Variants in PCDHGA12 observed in about 807,000 individuals in gnomAD.
PCDHGA12 encodes the protein protocadherin gamma-A12.
PCDHGA12 carries 43 observed loss-of-function variants against 61.1 expected under a neutral mutation model. The ratio of observed to expected loss-of-function variants is 0.70; its 90% CI spans 0.55 to 0.91. The LOEUF (loss-of-function observed/expected upper bound fraction) is 0.91. PCDHGA12 is among the 40% of genes least tolerant of loss of function. The probability of loss-of-function intolerance (pLI) is 0.00; values close to 1 mark genes in which losing one functional copy is unlikely to be tolerated. For missense variants in PCDHGA12, 1,236 were observed against 1,227.7 expected, an observed-to-expected ratio of 1.01 and a Z score of -0.10; for synonymous variants, 520 against 542.9, an observed-to-expected ratio of 0.96 and a Z score of 0.59.
chr5:141,492,461 G>T (rs1218833302), intron 1 of PCDHGA12, among the ~76,000 whole-genome samples: 1 of 152,212 alleles, frequency 6.6e-6, no homozygotes, highest in Non-Finnish European at 1.5e-5. Flanking sequence ...CGCGCCTGAG[G>T]GTCCCAGATC....
chr5:141,506,372 C>A (rs1243713695), intron 3 of PCDHGA12, among the ~76,000 whole-genome samples: 1 of 151,402 alleles, frequency 6.6e-6, no homozygotes, highest in Non-Finnish European at 1.5e-5. Context: ...TCGCTTGAAC[C>A]TGGGAGGTGG....
intron 2 of PCDHGA12, among the ~76,000 whole-genome samples, chr5:141,498,994 AAGGAAGGAAGG>A (rs2099788184): frequency 2.0e-5 from 3 of 148,560 alleles, no homozygotes; most frequent in Non-Finnish European, 4.5e-5. Flanking sequence ...GGAAGGAAGG[AAGGAAGGAAGG>A]AAGGAAGGAA....
chr5:141,501,381 T>A (rs1261533671), intron 2 of PCDHGA12, among the ~76,000 whole-genome samples: 4 of 151,750 alleles, frequency 2.6e-5, no homozygotes, highest in African/African-American at 9.7e-5. Flanking sequence ...TCTTAAATCC[T>A]AGGTCCTGTC....
At chr5:141,453,430 C>A (rs1043851647) in intron 1 of PCDHGA12, among the ~76,000 whole-genome samples, 1 of 152,018 alleles carries the variant, frequency 6.6e-6, no homozygotes, top group Non-Finnish European at 1.5e-5. Flanking sequence ...CCACACCTAG[C>A]CTAGTATTCT....
chr5:141,480,390 T>C (rs753766736), intron 1 of PCDHGA12, among the ~76,000 whole-genome samples: 14 of 151,350 alleles, frequency 9.3e-5, no homozygotes, highest in Non-Finnish European at 1.9e-4. Flanking sequence ...ACTTCAACCA[T>C]GGCAATAGAG....
At chr5:141,461,273 C>A (rs1301916233) in intron 1 of PCDHGA12, among the ~76,000 whole-genome samples, 1 of 152,128 alleles carries the variant, frequency 6.6e-6, no homozygotes, top group Admixed American at 6.6e-5. Flanking sequence ...TAAGTGTTCT[C>A]TTTTCCCCAC....
intron 1 of PCDHGA12, chr5:141,478,479 C>T (rs750055106): frequency 1.9e-6 from 3 of 1,613,550 alleles, no homozygotes; most frequent in Admixed American, 1.7e-5. Context: ...CGCCAGAACA[C>T]GCTGCGGAGC....
rs1379875429 is a variant in PCDHGA12 at position 141,491,125 on chromosome 5, C to T, written c.2425-3682C>T. 3.1e-6 allele frequency: 5 copies of T among 1,614,020 alleles called. No homozygotes were observed. The highest frequency in any genetic ancestry group is 4.2e-6 in the Non-Finnish European group (5 of 1,179,992). ...CGTGTCTACACACACTGGTGAGGTG[C>T]GCACAGCCCGGGCCTTACTGGAGGA... On this transcript the variant is annotated intron_variant, in intron 1 of 3. Coordinates refer to ENST00000252085, the MANE Select transcript of PCDHGA12 (RefSeq NM_003735.3). The surrounding 1 kb of genome is among the most constrained non-coding windows in gnomAD (Gnocchi z 6.9).
rs990493129 is a variant in PCDHGA12 at position 141,449,560 on chromosome 5, G to C, written c.2424+16377G>C. On this transcript the variant is annotated intron_variant, in intron 1 of 3. Coordinates refer to ENST00000252085, the MANE Select transcript of PCDHGA12 (RefSeq NM_003735.3). ...GCCGAGATCGCACCACTGCACTCCA[G>C]CCTGGGCGACAGAGCAAGACTCTGT... Among the ~76,000 whole-genome samples, 4 of 145,056 alleles carry C rather than the reference G, an allele frequency of 2.8e-5. No homozygotes were observed. The Admixed American group carries it at 2.8e-4, about 10-fold the overall frequency.
At chr5:141,497,540 C>T (rs866982821) in intron 2 of PCDHGA12, among the ~76,000 whole-genome samples, 5 of 134,944 alleles carry the variant, frequency 3.7e-5, no homozygotes, top group African/African-American at 1.1e-4. Context: ...TGCAACAAAC[C>T]TTTTTTTTTT....
chr5:141,485,105 G>A lies in PCDHGA12; in HGVS notation c.2425-9702G>A. On this transcript the variant is annotated intron_variant, in intron 1 of 3. Transcript: ENST00000252085. The surrounding 1 kb of genome is among the most constrained non-coding windows in gnomAD (Gnocchi z 5.7). ...AGGGAGATAGGTGTCTCCAGCTGCT[G>A]TGGCTGTTTGGGGCGGGTCGGCTTC... 8.3e-7 allele frequency: 1 copy of A among 1,205,940 alleles called. No individual in the cohort carries two copies. Among genetic ancestry groups the A allele is most frequent in the Non-Finnish European group, 1.2e-6 (1 of 827,784 alleles). The allele number at this position is 1,205,940 out of a possible 1,614,324, so 74.7% of individuals were successfully genotyped here.
At position 141,431,052 on chromosome 5, in the gene PCDHGA12, G is replaced by A. The variant is rs148326556; in HGVS notation, c.293G>A (p.Gly98Glu). The change falls in exon 1 of 4, where the codon GGG becomes GAG. Residue 98 changes from glycine (G) to glutamate (E), a missense_variant. By Grantham distance (98) the Gly-to-Glu change is moderately conservative. Transcript: ENST00000252085. The surrounding 1 kb of genome is among the most constrained non-coding windows in gnomAD (Gnocchi z 4.8). Reference sequence around the variant, plus strand: ...ATAGACCGGGAGGAGCTCTGTATGGGGGCCATCAAGTGTCAATTAAATCTA... The same window carrying A: ...ATAGACCGGGAGGAGCTCTGTATGGAGGCCATCAAGTGTCAATTAAATCTA... Reference protein sequence around the residue: ...GRIDREELCMGAIKCQLNLDI... With the variant: ...GRIDREELCMEAIKCQLNLDI... 2 of 1,614,228 alleles carry A rather than the reference G, an allele frequency of 1.2e-6. No individual in the cohort carries two copies. The highest frequency in any genetic ancestry group is 1.7e-6 in the Non-Finnish European group (2 of 1,180,044).
chr5:141,436,140 A>G (rs1324666699), intron 1 of PCDHGA12, among the ~76,000 whole-genome samples: 2 of 152,224 alleles, frequency 1.3e-5, no homozygotes, highest in Non-Finnish European at 2.9e-5. Flanking sequence ...TCTTGTATGA[A>G]CTACCAAAAT....
chr5:141,505,803 C>A (rs920849273), intron 3 of PCDHGA12, among the ~76,000 whole-genome samples: 2 of 152,234 alleles, frequency 1.3e-5, no homozygotes, highest in African/African-American at 4.8e-5. Flanking sequence ...GGACTTGGAT[C>A]GACTTGCTCA....
chr5:141,468,330 C>CAAAAAAAAAAA (rs533390277), intron 1 of PCDHGA12: 4 of 79,798 alleles, frequency 5.0e-5, no homozygotes, highest in Non-Finnish European at 1.1e-4. Flanking sequence ...AACTCCATCT[C>CAAAAAAAAAAA]AAAAAAAAAA....
chr5:141,505,026 G>T (rs190826538), intron 2 of PCDHGA12, among the ~76,000 whole-genome samples: 1 of 152,198 alleles, frequency 6.6e-6, no homozygotes, highest in South Asian at 2.1e-4. Context: ...GCCTGGCACA[G>T]TGGCAGGTGC....
intron 1 of PCDHGA12, among the ~76,000 whole-genome samples, chr5:141,470,385 T>C (rs1278833959): frequency 1.3e-5 from 2 of 152,206 alleles, no homozygotes; most frequent in Non-Finnish European, 2.9e-5. Flanking sequence ...GACTACTCGA[T>C]GATATTTAGG....
rs1253223100 is a variant in PCDHGA12 at position 141,493,049 on chromosome 5, T to C, written c.2425-1758T>C. Among the ~76,000 whole-genome samples the C allele has an allele frequency of 6.6e-6, 1 of 152,188 alleles. No homozygotes were observed. Among genetic ancestry groups the C allele is most frequent in the Non-Finnish European group, 1.5e-5 (1 of 68,032 alleles). Reference sequence around the variant, plus strand: ...GCCCTTATGTGTGAGGAAACTACAATAGTAAAAAACACAAGTTTCTCCAAC... The same window carrying C: ...GCCCTTATGTGTGAGGAAACTACAACAGTAAAAAACACAAGTTTCTCCAAC... On this transcript the variant is annotated intron_variant, in intron 1 of 3. Transcript: ENST00000252085. This position sits in a 1 kb window ranked among gnomAD's most constrained non-coding sequence, Gnocchi z 4.3.
chr5:141,441,752 C>T, intron 1 of PCDHGA12: 2 of 378,086 alleles, frequency 5.3e-6, no homozygotes, highest in Non-Finnish European at 1.1e-5. Context: ...TCGGCGTCAA[C>T]GTGAGCCTGC....
Sources: gnomAD v4.1 joint callset for allele counts (sites outside exome capture counted in the v4.1 genomes callset) on GRCh38, gnomAD v4.1.1 for gene constraint, Gnocchi (gnomAD v3.1) non-coding constraint, MANE v1.5 for transcripts, NCBI Gene and HGNC (gene_info 2026-07-23, HGNC 2026-07-21) for gene names.